ITGA9: variants seen among roughly 807,000 people sequenced by gnomAD.
ITGA9 encodes the protein integrin subunit alpha 9, also known as integrin alpha-9.
Under a neutral mutation model 127.8 loss-of-function variants are expected in ITGA9, and 56 were observed. That is an observed-to-expected ratio of 0.44 (90% confidence interval 0.35 to 0.55). ITGA9 has a LOEUF of 0.55. Among genes scored for constraint, ITGA9 ranks in the 20% least tolerant of loss-of-function variants. The pLI is 0.00. For synonymous variants in ITGA9, 508 were observed against 514.5 expected (o/e 0.99, Z 0.17); for missense variants, 1,196 against 1,347.1 (o/e 0.89, Z 1.76).
At chr3:37,545,892 C>G (rs1405181496) in intron 15 of ITGA9, among the ~76,000 whole-genome samples, 1 of 152,196 alleles carries the variant, frequency 6.6e-6, no homozygotes, top group East Asian at 1.9e-4. Context: ...CCCCTTTCCT[C>G]CTGGAACCTG....
chr3:37,692,469 G>C (rs989089377), intron 18 of ITGA9, among the ~76,000 whole-genome samples: 2 of 151,522 alleles, frequency 1.3e-5, no homozygotes, highest in African/African-American at 4.9e-5. Context: ...AAAAAATAGA[G>C]ACAGTGTTAA....
At chr3:37,576,026 C>T (rs1699650989) in intron 15 of ITGA9, among the ~76,000 whole-genome samples, 1 of 152,284 alleles carries the variant, frequency 6.6e-6, no homozygotes, top group Non-Finnish European at 1.5e-5. Flanking sequence ...ATGAAGGGCT[C>T]GGCCATAACC....
chr3:37,720,310 C>T (rs34585805), intron 18 of ITGA9, among the ~76,000 whole-genome samples: 6,605 of 152,258 alleles, frequency 0.043, 272 homozygotes, highest in South Asian at 0.13. Context: ...ATTTGACTCC[C>T]GCATAACCTT....
chr3:37,568,869 C>T (rs9809758), intron 15 of ITGA9, among the ~76,000 whole-genome samples: 19,318 of 152,276 alleles, frequency 0.13, 1,475 homozygotes, highest in African/African-American at 0.2. Flanking sequence ...CATTTCCTGT[C>T]TTCTTCTGAA....
chr3:37,543,820 G>A (rs948720750), intron 15 of ITGA9, among the ~76,000 whole-genome samples: 2 of 152,210 alleles, frequency 1.3e-5, no homozygotes, highest in Non-Finnish European at 2.9e-5. Context: ...ATGCTTCTCA[G>A]TGGGGCTGGG....
rs759538959 is a variant in ITGA9 at position 37,667,069 on chromosome 3, G to A, written c.1916+13279G>A. 3.2e-4 allele frequency among the ~76,000 whole-genome samples: 48 copies of A among 152,272 alleles called. No homozygotes were observed. In the South Asian group the frequency reaches 3.5e-3, roughly 11 times the overall value. ...GCAGCTGAAAGTCAGCAAAAGCATT[G>A]GGGTCAGGGTGGGGAGTGTGGGAGG... is the stretch of plus-strand genomic sequence containing the variant. On this transcript the variant is annotated intron_variant, in intron 17 of 27. Transcript: ENST00000264741.
At chr3:37,504,357 C>A (rs1698819096) in intron 6 of ITGA9, among the ~76,000 whole-genome samples, 1 of 152,182 alleles carries the variant, frequency 6.6e-6, no homozygotes, top group African/African-American at 2.4e-5. Context: ...AATTATACAT[C>A]TTGCCAAGGT....
At chr3:37,694,016 T>C (rs1700858764) in intron 18 of ITGA9, among the ~76,000 whole-genome samples, 1 of 152,240 alleles carries the variant, frequency 6.6e-6, no homozygotes, top group South Asian at 2.1e-4. Context: ...TGGATGCCGA[T>C]ACTTAGAAAA....
intron 17 of ITGA9, among the ~76,000 whole-genome samples, chr3:37,665,523 C>T (rs567424819): frequency 2.6e-5 from 4 of 152,110 alleles, no homozygotes; most frequent in African/African-American, 9.6e-5. Context: ...TATCTTGGCT[C>T]ACTACAATTT....
At chr3:37,544,968 G>A (rs993977630) in intron 15 of ITGA9, among the ~76,000 whole-genome samples, 2 of 152,252 alleles carry the variant, frequency 1.3e-5, no homozygotes, top group African/African-American at 4.8e-5. Context: ...GAGTGCACCC[G>A]TAGGATGAGT....
chr3:37,452,614 C>T lies in ITGA9; in HGVS notation c.185+55C>T. ...GCCCGCGCGGCCACCGCCCCGGCCC[C>T]CAGGCCAGCGCCGCCGCCGCCTTTC... is the stretch of plus-strand genomic sequence containing the variant. On this transcript the variant is annotated intron_variant, in intron 1 of 27. Coordinates refer to ENST00000264741, the MANE Select transcript of ITGA9 (RefSeq NM_002207.3). This position sits in a 1 kb window ranked among gnomAD's most constrained non-coding sequence, Gnocchi z 7.3. 1.4e-6 allele frequency: 2 copies of T among 1,418,068 alleles called. No homozygotes were observed. Among genetic ancestry groups the T allele is most frequent in the Non-Finnish European group, 1.9e-6 (2 of 1,071,274 alleles). 87.8% of individuals were successfully genotyped at this position (1,418,068 alleles called of 1,614,324 possible). A position where few individuals can be genotyped will look rare whatever the true frequency, so the allele number is the denominator to read the frequency against.
At chr3:37,572,938 G>A (rs998839656) in intron 15 of ITGA9, among the ~76,000 whole-genome samples, 1 of 152,164 alleles carries the variant, frequency 6.6e-6, no homozygotes, top group Non-Finnish European at 1.5e-5. Flanking sequence ...TGTAGGCTTT[G>A]GTAAGATCTC....
chr3:37,671,875 T>C (rs1559563623), intron 17 of ITGA9, among the ~76,000 whole-genome samples: 1 of 152,250 alleles, frequency 6.6e-6, no homozygotes, highest in Non-Finnish European at 1.5e-5. Flanking sequence ...AGTTAAAACA[T>C]GTATACATAC....
In ITGA9 at chr3:37,819,160, A is replaced by G; in HGVS notation, c.*171A>G. 1 of 656,982 alleles carries G rather than the reference A, an allele frequency of 1.5e-6. No individual in the cohort carries two copies. Among genetic ancestry groups the G allele is most frequent in the Non-Finnish European group, 2.8e-6 (1 of 361,258 alleles). 40.7% of individuals were successfully genotyped at this position (656,982 alleles called of 1,614,324 possible). ...CCAGCCTGAGGCAGCCACTTCGGCC[A>G]GGTCACACGACCGGGGCCAGCACCA... On this transcript the variant is annotated 3_prime_UTR_variant, in exon 28 of 28. Transcript: ENST00000264741.
intron 17 of ITGA9, among the ~76,000 whole-genome samples, chr3:37,681,320 C>T (rs1700732268): frequency 6.6e-6 from 1 of 152,318 alleles, no homozygotes; most frequent in East Asian, 1.9e-4. Context: ...CAGGGTTCCA[C>T]CTCTGGGCCC....
chr3:37,627,772 A>ACAT (rs2125634630), intron 15 of ITGA9, among the ~76,000 whole-genome samples: 1 of 152,130 alleles, frequency 6.6e-6, no homozygotes, highest in Non-Finnish European at 1.5e-5. Flanking sequence ...GCATCCATAT[A>ACAT]GTGACATGCT....
intron 23 of ITGA9, among the ~76,000 whole-genome samples, chr3:37,775,487 CA>C (rs984054913): frequency 1.0e-4 from 15 of 150,688 alleles, no homozygotes; most frequent in African/African-American, 2.7e-4. Flanking sequence ...ACTAAAAATA[CA>C]AAAAAAAATT....
chr3:37,542,190 T>G (rs894771431), intron 14 of ITGA9, among the ~76,000 whole-genome samples: 1 of 152,144 alleles, frequency 6.6e-6, no homozygotes, highest in African/African-American at 2.4e-5. Context: ...CCGTGAAGTA[T>G]GACACAAGGA....
chr3:37,463,067 G>C (rs925100907), intron 1 of ITGA9, among the ~76,000 whole-genome samples: 1 of 152,182 alleles, frequency 6.6e-6, no homozygotes, highest in African/African-American at 2.4e-5. Context: ...TTGGTGATGA[G>C]ATTCCTTTGA....
Sources: gnomAD v4.1 joint callset for allele counts (sites outside exome capture counted in the v4.1 genomes callset) on GRCh38, gnomAD v4.1.1 for gene constraint, Gnocchi (gnomAD v3.1) non-coding constraint, MANE v1.5 for transcripts, NCBI Gene and HGNC (gene_info 2026-07-23, HGNC 2026-07-21) for gene names.